DENND1A: variants seen among roughly 807,000 people sequenced by gnomAD.
DENND1A encodes the protein DENN domain containing 1A, also known as DENN domain-containing protein 1A.
A neutral mutation model predicts 113.7 loss-of-function variants in DENND1A; 51 were observed. The observed-to-expected ratio is 0.45, with a 90% CI of 0.36 to 0.57. DENND1A has a LOEUF of 0.57. Ranked by LOEUF, DENND1A falls within the 20% of genes least tolerant of loss-of-function variation. The pLI, the probability that DENND1A is intolerant of heterozygous loss-of-function variation, is 0.00. For missense variants in DENND1A, 1,258 were observed against 1,395.9 expected (o/e 0.90, Z 1.57); for synonymous variants, 565 against 570.8 (o/e 0.99, Z 0.14).
At chr9:123,494,113 C>T (rs986598568) in intron 13 of DENND1A, among the ~76,000 whole-genome samples, 2 of 152,184 alleles carry the variant, frequency 1.3e-5, no homozygotes, top group African/African-American at 4.8e-5. Flanking sequence ...CAGGGTCTCT[C>T]AAATGACAGC....
At chr9:123,853,823 T>C (rs1448954824) in intron 2 of DENND1A, among the ~76,000 whole-genome samples, 2 of 152,144 alleles carry the variant, frequency 1.3e-5, no homozygotes, top group Non-Finnish European at 2.9e-5. Context: ...CTTAGAGACA[T>C]CTTTCTATCT....
intron 8 of DENND1A, among the ~76,000 whole-genome samples, chr9:123,656,127 T>C (rs1391887252): frequency 6.6e-6 from 1 of 152,208 alleles, no homozygotes; most frequent in Non-Finnish European, 1.5e-5. Flanking sequence ...AGAAGACATT[T>C]GGTCTGGGCC....
chr9:123,479,435 T>C (rs2133641650), intron 13 of DENND1A, among the ~76,000 whole-genome samples: 1 of 152,344 alleles, frequency 6.6e-6, no homozygotes, highest in South Asian at 2.1e-4. Context: ...TTCTTTTCAT[T>C]TGGGAAACCT....
Position 123,930,000 on chromosome 9 carries a change from G to A in DENND1A, c.-95C>T. The A allele has an allele frequency of 1.2e-5, 3 of 240,066 alleles. No homozygotes were observed. Among genetic ancestry groups the A allele is most frequent in the East Asian group, 8.0e-5 (1 of 12,528 alleles). The allele number at this position is 240,066 out of a possible 1,614,324, so 14.9% of individuals were successfully genotyped here. Reference sequence around the variant, plus strand: ...CCGGCCTCCCTCTGGCGCTCTCCCCGCCCCTTCCTCCCTTCCCTCAGGCTG... The same window carrying A: ...CCGGCCTCCCTCTGGCGCTCTCCCCACCCCTTCCTCCCTTCCCTCAGGCTG... On this transcript the variant is annotated 5_prime_UTR_variant, in exon 1 of 24. Transcript: ENST00000394215.
rs201480335 is a variant in DENND1A at position 123,631,201 on chromosome 9, C to T, written c.619-725G>A. ...TACACCCCCGACCCCCAGCCATACA[C>T]CACGATTCTGGCCTCCCTGCCCCTC... On this transcript the variant is annotated intron_variant, in intron 9 of 23. Transcript: ENST00000394215. 5.3e-5 allele frequency among the ~76,000 whole-genome samples: 8 copies of T among 152,232 alleles called. No homozygotes were observed. The East Asian group carries it at 1.5e-3, about 29-fold the overall frequency.
At chr9:123,614,712 G>T (rs1426499282) in intron 10 of DENND1A, among the ~76,000 whole-genome samples, 1 of 152,102 alleles carries the variant, frequency 6.6e-6, no homozygotes, top group Non-Finnish European at 1.5e-5. Context: ...CACAGCTTAG[G>T]GCAGCCCAGG....
chr9:123,902,879 G>C (rs1851931808), intron 1 of DENND1A, among the ~76,000 whole-genome samples: 1 of 148,722 alleles, frequency 6.7e-6, no homozygotes, highest in Non-Finnish European at 1.5e-5. Flanking sequence ...AAAAATTGTA[G>C]CCAAAATCTC....
chr9:123,457,711 C>T lies in DENND1A; in HGVS notation c.1098+82G>A, dbSNP rs558942710. ...GGGGCCTGAGTCCCATCCATGCCTG[C>T]GGCCTCAGTACTTAGAGTGGAGACA... On this transcript the variant is annotated intron_variant, in intron 14 of 23. Coordinates refer to ENST00000394215, the MANE Select transcript of DENND1A (RefSeq NM_001352964.2). 597 of 1,328,850 alleles carry T rather than the reference C, an allele frequency of 4.5e-4. 4 individuals are homozygous for T. The South Asian group carries it at 6.0e-3, about 13-fold the overall frequency. The allele number at this position is 1,328,850 out of a possible 1,614,324, so 82.3% of individuals were successfully genotyped here. A position where few individuals can be genotyped will look rare whatever the true frequency, so the allele number is the denominator to read the frequency against.
intron 3 of DENND1A, among the ~76,000 whole-genome samples, chr9:123,775,629 G>T (rs1343532853): frequency 6.6e-6 from 1 of 152,136 alleles, no homozygotes; most frequent in African/African-American, 2.4e-5. Context: ...GCACAGATGG[G>T]CAACTTTTCT....
chr9:123,605,567 C>T (rs1455941551), intron 11 of DENND1A, among the ~76,000 whole-genome samples: 2 of 152,120 alleles, frequency 1.3e-5, no homozygotes, highest in African/African-American at 4.8e-5. Flanking sequence ...CCACTAGCCT[C>T]AGATTGCTTA....
At chr9:123,722,238 C>T (rs192291044) in intron 5 of DENND1A, among the ~76,000 whole-genome samples, 4 of 152,200 alleles carry the variant, frequency 2.6e-5, no homozygotes, top group Admixed American at 2.0e-4. Flanking sequence ...TTAGGGTATC[C>T]GGCAGAAGAA....
At chr9:123,553,093 A>G (rs1007838823) in intron 13 of DENND1A, among the ~76,000 whole-genome samples, 3 of 152,114 alleles carry the variant, frequency 2.0e-5, no homozygotes, top group African/African-American at 7.2e-5. Context: ...TATCTCTACA[A>G]AAATTAAAAA....
chr9:123,905,096 C>G (rs1213171515), intron 1 of DENND1A, among the ~76,000 whole-genome samples: 4 of 151,586 alleles, frequency 2.6e-5, no homozygotes, highest in Admixed American at 6.6e-5. Context: ...AATTTCATAT[C>G]CAGCCAAACT....
At chr9:123,599,097 TAAAC>T (rs1358457744) in intron 11 of DENND1A, among the ~76,000 whole-genome samples, 2 of 152,226 alleles carry the variant, frequency 1.3e-5, no homozygotes, top group African/African-American at 4.8e-5. Flanking sequence ...CCTTTGTTTC[TAAAC>T]AAACATAGAA....
intron 2 of DENND1A, among the ~76,000 whole-genome samples, chr9:123,808,229 A>G (rs989329529): frequency 3.3e-5 from 5 of 152,044 alleles, no homozygotes; most frequent in African/African-American, 1.2e-4. Flanking sequence ...TCCGTCTCCA[A>G]CAAAAAACAA....
intron 13 of DENND1A, among the ~76,000 whole-genome samples, chr9:123,464,835 G>A (rs2048805043): frequency 6.6e-6 from 1 of 151,610 alleles, no homozygotes; most frequent in Non-Finnish European, 1.5e-5. Flanking sequence ...CTTTGTATAA[G>A]TTTGAAATTT....
intron 9 of DENND1A, among the ~76,000 whole-genome samples, chr9:123,632,786 G>A (rs541237760): frequency 4.6e-5 from 7 of 151,940 alleles, no homozygotes; most frequent in East Asian, 1.9e-4. Flanking sequence ...CTTTCCACCC[G>A]TCCCCCAAAC....
At chr9:123,502,503 G>A (rs534163176) in intron 13 of DENND1A, among the ~76,000 whole-genome samples, 1 of 152,226 alleles carries the variant, frequency 6.6e-6, no homozygotes, top group East Asian at 1.9e-4. Flanking sequence ...ATCGAGTCAG[G>A]TCTTTTGCCT....
chr9:123,579,938 C>T (rs911749971), intron 12 of DENND1A, among the ~76,000 whole-genome samples: 23 of 152,294 alleles, frequency 1.5e-4, no homozygotes, highest in African/African-American at 5.5e-4. Flanking sequence ...GTAGAACATT[C>T]TCAACCCTGT....
Sources: allele counts gnomAD v4.1 joint callset (sites outside exome capture counted in the v4.1 genomes callset), GRCh38; gene constraint gnomAD v4.1.1; transcripts MANE v1.5; gene names NCBI Gene and HGNC (gene_info 2026-07-23, HGNC 2026-07-21).